SLC22A15: variants seen among roughly 807,000 people sequenced by gnomAD.
SLC22A15 encodes the protein flipt 1.
A neutral mutation model predicts 62.7 loss-of-function variants in SLC22A15; 45 were observed. The observed-to-expected ratio is 0.72, with a 90% CI of 0.56 to 0.92. SLC22A15 has a LOEUF of 0.92. SLC22A15 is among the 40% of genes least tolerant of loss of function. SLC22A15 has a pLI of 0.00. For synonymous variants in SLC22A15, 264 were observed against 267.0 expected, an observed-to-expected ratio of 0.99 and a Z score of 0.11; for missense variants, 622 against 665.6, an observed-to-expected ratio of 0.93 and a Z score of 0.72.
chr1:116,030,210 C>A (rs1009190889), intron 5 of SLC22A15, among the ~76,000 whole-genome samples: 54 of 152,272 alleles, frequency 3.5e-4, no homozygotes, highest in African/African-American at 1.3e-3. Flanking sequence ...TGGGAAAACT[C>A]CTGCCTTTTG....
At chr1:115,987,099 G>A (rs924992110) in intron 1 of SLC22A15, among the ~76,000 whole-genome samples, 2 of 152,058 alleles carry the variant, frequency 1.3e-5, no homozygotes, top group African/African-American at 4.8e-5. Flanking sequence ...CCATTAATAC[G>A]TTTTGACTGG....
intron 7 of SLC22A15, among the ~76,000 whole-genome samples, chr1:116,035,729 T>C (rs1392162057): frequency 1.3e-5 from 2 of 152,214 alleles, no homozygotes; most frequent in Admixed American, 6.5e-5. Context: ...GACAAATAAT[T>C]GAAGGAACTA....
intron 1 of SLC22A15, among the ~76,000 whole-genome samples, chr1:115,991,348 A>T (rs943087460): frequency 1.3e-5 from 2 of 152,194 alleles, no homozygotes; most frequent in African/African-American, 4.8e-5. Flanking sequence ...CGTGAAGTAT[A>T]TTTTCTTTGC....
chr1:116,061,904 A>G (rs1658389683), intron 8 of SLC22A15, among the ~76,000 whole-genome samples: 1 of 152,084 alleles, frequency 6.6e-6, no homozygotes, highest in Non-Finnish European at 1.5e-5. Context: ...TCATATTTAG[A>G]TTCTTGTTAT....
At chr1:116,030,332 T>G (rs1185482837) in intron 5 of SLC22A15, among the ~76,000 whole-genome samples, 1 of 152,206 alleles carries the variant, frequency 6.6e-6, no homozygotes, top group Non-Finnish European at 1.5e-5. Context: ...AATCCTGTAG[T>G]GTTTGTTCCT....
intron 1 of SLC22A15, among the ~76,000 whole-genome samples, chr1:115,985,154 C>T (rs1654796742): frequency 6.6e-6 from 1 of 152,174 alleles, no homozygotes; most frequent in Non-Finnish European, 1.5e-5. Context: ...CCGCAGGCTC[C>T]GTTCATGGTA....
chr1:115,988,131 G>C (rs1307231608), intron 1 of SLC22A15, among the ~76,000 whole-genome samples: 1 of 152,180 alleles, frequency 6.6e-6, no homozygotes, highest in Non-Finnish European at 1.5e-5. Flanking sequence ...TGTGGCACTT[G>C]TTCTCCTTCC....
intron 2 of SLC22A15, among the ~76,000 whole-genome samples, chr1:116,015,461 T>C (rs984884256): frequency 1.3e-5 from 2 of 152,192 alleles, no homozygotes; most frequent in African/African-American, 4.8e-5. Flanking sequence ...CTTCCTAAAA[T>C]TGCCACAAAA....
Position 116,035,205 on chromosome 1 carries a change from G to T in SLC22A15, c.963G>T (p.Val321=). ...LMFIWFVCSL[V]YYGLTLSAGD... The stretch of plus-strand genomic sequence containing the variant: ...ATTGCAGGTTTGTGTGCAGCTTGGT[G>T]TATTATGGCCTAACTCTGAGTGCGG... Residue 321 remains valine, a synonymous_variant, in exon 7 of 12, where the codon GTG becomes GTT. Transcript: ENST00000369503. 1 of 1,612,456 alleles carries T rather than the reference G, an allele frequency of 6.2e-7. No homozygotes were observed.
intron 2 of SLC22A15, among the ~76,000 whole-genome samples, chr1:115,996,151 A>G (rs140528635): frequency 6.6e-6 from 1 of 152,352 alleles, no homozygotes; most frequent in Non-Finnish European, 1.5e-5. Flanking sequence ...CATATTGTAG[A>G]AGCCTTTTGA....
intron 2 of SLC22A15, among the ~76,000 whole-genome samples, chr1:116,011,047 T>G (rs1199223110): frequency 6.6e-6 from 1 of 152,146 alleles, no homozygotes; most frequent in Non-Finnish European, 1.5e-5. Context: ...GCGTCCTCCT[T>G]TCAGAGAAGG....
rs1658525098 is a variant in SLC22A15 at position 116,067,404 on chromosome 1, T to C, written c.*296T>C. The C allele has an allele frequency of 2.0e-5, 6 of 307,290 alleles. No individual in the cohort carries two copies. The highest frequency in any genetic ancestry group is 1.8e-4 in the Admixed American group (4 of 22,338). 19.0% of individuals were successfully genotyped at this position (307,290 alleles called of 1,614,324 possible). On this transcript the variant is annotated 3_prime_UTR_variant, in exon 12 of 12. Transcript: ENST00000369503. ...CCCACATTCCAAAGTGGTAGGCTCA[T>C]TTGTTTCTAGAGATTTCATCATGTC...
At chr1:116,038,187 T>C (rs1005067819) in intron 8 of SLC22A15, among the ~76,000 whole-genome samples, 2 of 152,190 alleles carry the variant, frequency 1.3e-5, no homozygotes, top group African/African-American at 4.8e-5. Context: ...AGCCCTGTCT[T>C]AGGGGCTTTT....
chr1:116,006,489 C>T (rs1655991060), intron 2 of SLC22A15, among the ~76,000 whole-genome samples: 1 of 152,150 alleles, frequency 6.6e-6, no homozygotes. Context: ...TTTAAAGCAG[C>T]TCTGAGAGGA....
In SLC22A15 at chr1:116,011,242, CCTT is replaced by C. The variant is rs548836030; in HGVS notation, c.301-8337_301-8335del. Among the ~76,000 whole-genome samples the C allele has an allele frequency of 1.4e-3, 211 of 152,250 alleles. 1 individual carries two copies. The highest frequency in any genetic ancestry group is 4.9e-3 in the African/African-American group (204 of 41,548). On this transcript the variant is annotated intron_variant, in intron 2 of 11. Transcript: ENST00000369503. Reference sequence around the variant, plus strand: ...TTCTTATCCCTGCATGATTGTATATCCTTCTCTCAGTGGGGATATTTGTGGACC... The same window carrying C: ...TTCTTATCCCTGCATGATTGTATATCCTCTCAGTGGGGATATTTGTGGACC...
intron 8 of SLC22A15, among the ~76,000 whole-genome samples, chr1:116,045,352 T>C (rs1449833441): frequency 6.6e-6 from 1 of 151,284 alleles, no homozygotes; most frequent in Non-Finnish European, 1.5e-5. Flanking sequence ...TGGCCAATAC[T>C]AAAATTTTTA....
At chr1:115,999,629 G>A (rs139193506) in intron 2 of SLC22A15, among the ~76,000 whole-genome samples, 2,009 of 151,162 alleles carry the variant, frequency 0.013, 18 homozygotes, top group Non-Finnish European at 0.022. Flanking sequence ...TCAGCCTCCC[G>A]AGTAGCTGGG....
chr1:115,989,644 A>T (rs1365306018), intron 1 of SLC22A15, among the ~76,000 whole-genome samples: 1 of 152,018 alleles, frequency 6.6e-6, no homozygotes, highest in African/African-American at 2.4e-5. Context: ...AGCTGGATGC[A>T]TTGGCAGGTA....
At chr1:116,051,458 T>A (rs537327794) in intron 8 of SLC22A15, among the ~76,000 whole-genome samples, 1 of 152,062 alleles carries the variant, frequency 6.6e-6, no homozygotes, top group South Asian at 2.1e-4. Flanking sequence ...AAACATAAAG[T>A]GGGGAAAGGA....
Sources: gnomAD v4.1 joint callset for allele counts (sites outside exome capture counted in the v4.1 genomes callset) on GRCh38, gnomAD v4.1.1 for gene constraint, MANE v1.5 for transcripts, NCBI Gene and HGNC (gene_info 2026-07-23, HGNC 2026-07-21) for gene names.